TEAD4: variants seen among roughly 807,000 people sequenced by gnomAD.
TEAD4 encodes the protein transcriptional enhancer factor TEF-3.
TEAD4 carries 36 observed loss-of-function variants against 52.4 expected under a neutral mutation model. That is an observed-to-expected ratio of 0.69 (90% confidence interval 0.53 to 0.91). TEAD4 has a LOEUF of 0.91. TEAD4 is among the 40% of genes least tolerant of loss of function. The pLI is 0.00. For synonymous variants in TEAD4, 220 were observed against 231.0 expected (o/e 0.95, Z 0.43); for missense variants, 508 against 583.9 (o/e 0.87, Z 1.34).
chr12:2,977,545 C>T (rs1174860124), intron 2 of TEAD4, among the ~76,000 whole-genome samples: 1 of 152,210 alleles, frequency 6.6e-6, no homozygotes, highest in Non-Finnish European at 1.5e-5. Context: ...CGTGCATTGC[C>T]TTGCAGGGGC....
intron 2 of TEAD4, among the ~76,000 whole-genome samples, chr12:2,984,219 GC>G (rs1206415977): frequency 1.3e-5 from 2 of 152,180 alleles, no homozygotes; most frequent in African/African-American, 4.8e-5. Context: ...AGATGGAAGC[GC>G]TAGAAAATCC....
At chr12:3,017,967 T>G (rs2098265797) in intron 6 of TEAD4, among the ~76,000 whole-genome samples, 1 of 152,174 alleles carries the variant, frequency 6.6e-6, no homozygotes, top group Non-Finnish European at 1.5e-5. Flanking sequence ...AGATTTTAAC[T>G]TTCCCAGCCA....
At chr12:2,987,522 C>T (rs1156918255) in intron 2 of TEAD4, among the ~76,000 whole-genome samples, 1 of 152,042 alleles carries the variant, frequency 6.6e-6, no homozygotes, top group African/African-American at 2.4e-5. Context: ...GCAAGCTCCG[C>T]CTCCCGGGTT....
At chr12:3,012,513 C>T (rs955531547) in intron 5 of TEAD4, among the ~76,000 whole-genome samples, 6 of 152,152 alleles carry the variant, frequency 3.9e-5, no homozygotes, top group South Asian at 4.1e-4. Context: ...TCAGAGCAGC[C>T]GGATCACCCA....
chr12:3,036,434 A>G (rs1003899824), intron 10 of TEAD4, among the ~76,000 whole-genome samples: 1 of 152,198 alleles, frequency 6.6e-6, no homozygotes, highest in African/African-American at 2.4e-5. Context: ...GAGAAAAATA[A>G]CGATTGAGTG....
intron 5 of TEAD4, among the ~76,000 whole-genome samples, chr12:3,013,161 G>A (rs554047280): frequency 4.3e-4 from 65 of 151,882 alleles, no homozygotes; most frequent in African/African-American, 1.5e-3. Context: ...TATTTTGCCT[G>A]AGCGGGTCAT....
At chr12:3,008,603 C>T (rs748583575) in intron 3 of TEAD4, among the ~76,000 whole-genome samples, 4 of 152,040 alleles carry the variant, frequency 2.6e-5, no homozygotes, top group Non-Finnish European at 4.4e-5. Flanking sequence ...TCAGAGATGG[C>T]GGGAGCTTGG....
At position 3,019,541 on chromosome 12, in the gene TEAD4, G is replaced by A. The variant is rs113515288; in HGVS notation, c.583+371G>A. Among the ~76,000 whole-genome samples, 679 of 152,308 alleles carry A rather than the reference G, an allele frequency of 4.5e-3. 8 individuals carry two copies. Among genetic ancestry groups the A allele is most frequent in the African/African-American group, 0.015 (620 of 41,566 alleles). ...TCCTGGGAGGGCCGAGGGGTGTCTA[G>A]CTCACCAGCCTGGAGCCCCTCCCGA... On this transcript the variant is annotated intron_variant, in intron 8 of 12. Transcript: ENST00000359864.
chr12:2,972,833 C>G (rs1734092148), intron 2 of TEAD4, among the ~76,000 whole-genome samples: 1 of 152,124 alleles, frequency 6.6e-6, no homozygotes, highest in African/African-American at 2.4e-5. Context: ...TAGAGTGAAT[C>G]TTTCCCTAAA....
chr12:2,994,928 C>T lies in TEAD4; in HGVS notation c.162C>T (p.Ala54=). Residue 54 remains alanine, a synonymous_variant, in exon 3 of 13, where the codon GCC becomes GCT. Transcript: ENST00000359864. The surrounding 1 kb of genome is among the most constrained non-coding windows in gnomAD (Gnocchi z 4.7). ...ATATTGAGCAGAGTTTCCAGGAGGCCCTCGCCATCTACCCGCCCTGTGGCA... is the reference window on the plus strand; with the variant it reads ...ATATTGAGCAGAGTTTCCAGGAGGCTCTCGCCATCTACCCGCCCTGTGGCA... 6.2e-7 allele frequency: 1 copy of T among 1,614,190 alleles called. No individual in the cohort carries two copies. Among genetic ancestry groups the T allele is most frequent in the Middle Eastern group, 1.6e-4 (1 of 6,062 alleles).
chr12:3,023,865 G>C (rs1258451456), intron 10 of TEAD4, among the ~76,000 whole-genome samples: 1 of 151,076 alleles, frequency 6.6e-6, no homozygotes, highest in African/African-American at 2.4e-5. Context: ...AATCCCCAAA[G>C]GTAGTCACTG....
intron 7 of TEAD4, 47 bp from the exon 8 acceptor site, chr12:3,019,068 C>T (rs750286013): frequency 1.2e-5 from 19 of 1,607,052 alleles, no homozygotes; most frequent in Admixed American, 1.2e-4. Context: ...GGATCCGGGG[C>T]GGTGGCCTGC....
At chr12:2,991,050 T>C (rs2098242572) in intron 2 of TEAD4, among the ~76,000 whole-genome samples, 1 of 152,008 alleles carries the variant, frequency 6.6e-6, no homozygotes, top group African/African-American at 2.4e-5. Flanking sequence ...AAATAAATAA[T>C]TAGCCGGGCA....
intron 10 of TEAD4, 26 bp from the exon 11 acceptor site, chr12:3,037,942 C>A (rs551166260): frequency 1.1e-5 from 18 of 1,602,166 alleles, no homozygotes; most frequent in Non-Finnish European, 1.4e-5. Flanking sequence ...CTGACACTCC[C>A]TCGCCTTCCC....
At chr12:3,023,078 G>T (rs1230399154) in intron 10 of TEAD4, among the ~76,000 whole-genome samples, 1 of 152,184 alleles carries the variant, frequency 6.6e-6, no homozygotes, top group East Asian at 1.9e-4. Context: ...CTGAACATGG[G>T]GGCAGGCTGT....
chr12:3,025,270 A>G (rs567178265), intron 10 of TEAD4, among the ~76,000 whole-genome samples: 92 of 152,298 alleles, frequency 6.0e-4, no homozygotes, highest in African/African-American at 2.1e-3. Context: ...GGCTTGCCCT[A>G]CAGTTGTCAT....
chr12:3,019,783 C>T (rs776952968), intron 8 of TEAD4, among the ~76,000 whole-genome samples: 1 of 152,232 alleles, frequency 6.6e-6, no homozygotes, highest in African/African-American at 2.4e-5. Flanking sequence ...TTGGCTTTCC[C>T]TGCCACCAAG....
intron 9 of TEAD4, among the ~76,000 whole-genome samples, chr12:3,021,260 A>G (rs111428991): frequency 0.025 from 3,800 of 151,158 alleles, 85 homozygotes; most frequent in African/African-American, 0.058. Flanking sequence ...GAGGAGGCCA[A>G]GGTGACAGGA....
chr12:3,010,905 G>A, intron 3 of TEAD4, 99 bp from the exon 4 acceptor site: 1 of 1,333,828 alleles, frequency 7.5e-7, no homozygotes, highest in Non-Finnish European at 1.1e-6. Flanking sequence ...TGGGCAGAGA[G>A]TGAGGGCAGG....
Sources: allele counts gnomAD v4.1 joint callset (sites outside exome capture counted in the v4.1 genomes callset), GRCh38; gene constraint gnomAD v4.1.1; non-coding constraint Gnocchi (gnomAD v3.1); transcripts MANE v1.5; gene names NCBI Gene and HGNC (gene_info 2026-07-23, HGNC 2026-07-21).